CRTC1: variants seen among roughly 807,000 people sequenced by gnomAD.
The protein encoded by CRTC1 is CREB regulated transcription coactivator 1.
A neutral mutation model predicts 66.1 loss-of-function variants in CRTC1; 18 were observed. The observed-to-expected ratio is 0.27, with a 90% confidence interval of 0.19 to 0.40. CRTC1 has a LOEUF of 0.40. Among genes scored for constraint, CRTC1 ranks in the 10% least tolerant of loss-of-function variants. The pLI is 1.00. For missense variants in CRTC1, 669 were observed against 887.9 expected, an observed-to-expected ratio of 0.75 and a Z score of 3.13; for synonymous variants, 416 against 398.8, an observed-to-expected ratio of 1.04 and a Z score of -0.51.
chr19:18,685,146 G>C lies in CRTC1; in HGVS notation c.126+1318G>C, dbSNP rs118086520. Among the ~76,000 whole-genome samples, 1,221 of 152,182 alleles carry C rather than the reference G, an allele frequency of 8.0e-3. 6 individuals are homozygous for C. The highest frequency in any genetic ancestry group is 0.013 in the Non-Finnish European group (892 of 68,026). On this transcript the variant is annotated intron_variant, in intron 1 of 13. Transcript: ENST00000321949. ...TAGCACTTTCAGTCTGTGTTACTTT[G>C]TAACTAGTTGTTTGTTTCTCTGAGA...
At chr19:18,749,653 G>A (rs2054319762) in intron 4 of CRTC1, 128 bp from the exon 5 acceptor site, 1 of 739,282 alleles carries the variant, frequency 1.4e-6, no homozygotes, top group Admixed American at 1.9e-5. Context: ...CTTTGCTCAG[G>A]TGCAGCAGCT....
At chr19:18,705,808 G>A (rs1231656085) in intron 1 of CRTC1, among the ~76,000 whole-genome samples, 2 of 145,456 alleles carry the variant, frequency 1.4e-5, no homozygotes, top group African/African-American at 5.1e-5. Context: ...TTTTTTTTTT[G>A]CAAAAAATGA....
chr19:18,734,331 T>C (rs929128694), intron 1 of CRTC1, among the ~76,000 whole-genome samples: 2 of 152,078 alleles, frequency 1.3e-5, no homozygotes, highest in African/African-American at 4.8e-5. Context: ...ATGTGGATTT[T>C]ATTGCAGCTT....
At chr19:18,749,367 G>T (rs1396183994) in intron 4 of CRTC1, among the ~76,000 whole-genome samples, 1 of 152,190 alleles carries the variant, frequency 6.6e-6, no homozygotes, top group African/African-American at 2.4e-5. Flanking sequence ...TGACAGACTG[G>T]AGGCTCATAC....
intron 1 of CRTC1, among the ~76,000 whole-genome samples, chr19:18,719,143 A>G (rs1052074267): frequency 6.6e-6 from 1 of 152,076 alleles, no homozygotes; most frequent in African/African-American, 2.4e-5. Flanking sequence ...GAGGAAAGGG[A>G]CACCTCCAGC....
At chr19:18,725,436 G>A (rs972615212) in intron 1 of CRTC1, among the ~76,000 whole-genome samples, 3 of 152,204 alleles carry the variant, frequency 2.0e-5, no homozygotes, top group Non-Finnish European at 4.4e-5. Flanking sequence ...GAGAGGAGAA[G>A]GAGGAGGACC....
At position 18,741,843 on chromosome 19, in the gene CRTC1, G is replaced by A. The variant is rs1482190963; in HGVS notation, c.127-1067G>A. 2.0e-5 allele frequency among the ~76,000 whole-genome samples: 3 copies of A among 152,180 alleles called. No individual in the cohort carries two copies. The highest frequency in any genetic ancestry group is 6.5e-5 in the Admixed American group (1 of 15,282). Reference sequence around the variant, plus strand: ...TCAGCCGGGCAGGTGGCCAGTTCCCGGGCTTTACTTCCGCCTCCGGTGTCC... The same window carrying A: ...TCAGCCGGGCAGGTGGCCAGTTCCCAGGCTTTACTTCCGCCTCCGGTGTCC... On this transcript the variant is annotated intron_variant, in intron 1 of 13. Transcript: ENST00000321949. The surrounding 1 kb of genome is among the most constrained non-coding windows in gnomAD (Gnocchi z 4.2).
chr19:18,759,262 G>T (rs1347246028), intron 6 of CRTC1, among the ~76,000 whole-genome samples: 1 of 152,204 alleles, frequency 6.6e-6, no homozygotes, highest in Non-Finnish European at 1.5e-5. Flanking sequence ...AGACTCCTCT[G>T]AAAAGAGACT....
rs755804264 is a variant in CRTC1 at position 18,777,781 on chromosome 19, G to T, written c.*399G>T. 7.0e-5 allele frequency: 22 copies of T among 315,806 alleles called. No individual in the cohort carries two copies. The highest frequency in any genetic ancestry group is 4.4e-4 in the African/African-American group (20 of 45,798). 19.6% of individuals were successfully genotyped at this position (315,806 alleles called of 1,614,324 possible). A position where few individuals can be genotyped will look rare whatever the true frequency, so the allele number is the denominator to read the frequency against. On this transcript the variant is annotated 3_prime_UTR_variant, in exon 14 of 14. Coordinates refer to ENST00000321949, the MANE Select transcript of CRTC1 (RefSeq NM_015321.3). The surrounding 1 kb of genome is among the most constrained non-coding windows in gnomAD (Gnocchi z 5.5). Reference sequence around the variant, plus strand: ...GTCCGCCAGGGCTGTGGGCCGTGGCGCATTTTCCGACTGTTTGTCCAGCTC... The same window carrying T: ...GTCCGCCAGGGCTGTGGGCCGTGGCTCATTTTCCGACTGTTTGTCCAGCTC...
chr19:18,727,886 T>A (rs2145661660), intron 1 of CRTC1, among the ~76,000 whole-genome samples: 1 of 151,940 alleles, frequency 6.6e-6, no homozygotes, highest in African/African-American at 2.4e-5. Context: ...CATGCCCAGA[T>A]AATTTTCTTT....
intron 1 of CRTC1, among the ~76,000 whole-genome samples, chr19:18,711,538 A>T (rs538309424): frequency 6.6e-6 from 1 of 152,268 alleles, no homozygotes; most frequent in East Asian, 1.9e-4. Flanking sequence ...TTGCATTTTT[A>T]AAAAAATGCT....
chr19:18,753,991 C>T (rs996720520), intron 6 of CRTC1, among the ~76,000 whole-genome samples: 2 of 151,406 alleles, frequency 1.3e-5, no homozygotes, highest in African/African-American at 4.9e-5. Context: ...ATCCCAGCTA[C>T]TTGGGAGACT....
At chr19:18,743,166 C>T (rs902154717) in intron 2 of CRTC1, 140 bp downstream of exon 2, 5 of 713,572 alleles carry the variant, frequency 7.0e-6, no homozygotes, top group Admixed American at 4.6e-5. Flanking sequence ...CTTGTCTGCC[C>T]TGGGAACCAG....
At chr19:18,692,831 T>G (rs2052877375) in intron 1 of CRTC1, among the ~76,000 whole-genome samples, 1 of 151,956 alleles carries the variant, frequency 6.6e-6, no homozygotes, top group Non-Finnish European at 1.5e-5. Flanking sequence ...ATCCCAGCAC[T>G]TTGGGAGGCC....
At chr19:18,697,405 G>A (rs2053018015) in intron 1 of CRTC1, among the ~76,000 whole-genome samples, 1 of 152,150 alleles carries the variant, frequency 6.6e-6, no homozygotes. Context: ...TGCCTCTCGT[G>A]TTCAAGCGAT....
At chr19:18,726,104 A>G (rs543991855) in intron 1 of CRTC1, among the ~76,000 whole-genome samples, 1 of 152,402 alleles carries the variant, frequency 6.6e-6, no homozygotes, top group African/African-American at 2.4e-5. Context: ...CTGGTGATGC[A>G]GGAACATCTT....
intron 1 of CRTC1, among the ~76,000 whole-genome samples, chr19:18,739,426 G>GC (rs2054066297): frequency 6.6e-6 from 1 of 152,230 alleles, no homozygotes; most frequent in Non-Finnish European, 1.5e-5. Flanking sequence ...AATCTTAAGT[G>GC]CTTGTACAGC....
intron 1 of CRTC1, among the ~76,000 whole-genome samples, chr19:18,700,066 G>A (rs757349): frequency 0.066 from 10,018 of 152,222 alleles, 494 homozygotes; most frequent in East Asian, 0.26. Flanking sequence ...GTTATGTTAA[G>A]TGGCTGCGTC....
At chr19:18,763,863 A>G (rs2054669431) in intron 8 of CRTC1, among the ~76,000 whole-genome samples, 1 of 152,192 alleles carries the variant, frequency 6.6e-6, no homozygotes, top group Non-Finnish European at 1.5e-5. Flanking sequence ...TGCTGGACGC[A>G]CGAAGTGGCG....
Sources: allele counts gnomAD v4.1 joint callset (sites outside exome capture counted in the v4.1 genomes callset), GRCh38; gene constraint gnomAD v4.1.1; non-coding constraint Gnocchi (gnomAD v3.1); transcripts MANE v1.5; gene names NCBI Gene and HGNC (gene_info 2026-07-23, HGNC 2026-07-21).